The following FAM83F variants were observed in gnomAD, a reference collection of about 807,000 sequenced individuals.
The protein encoded by FAM83F is scaffolding CK1 anchoring protein F.
A neutral mutation model predicts 42.9 loss-of-function variants in FAM83F; 45 were observed. The ratio of observed to expected loss-of-function variants is 1.05; its 90% CI spans 0.83 to 1.35. FAM83F has a LOEUF of 1.35. Ranked by LOEUF, FAM83F falls within the 40% of genes most tolerant of loss-of-function variation. The pLI is 0.00. For synonymous variants in FAM83F, 306 were observed against 298.3 expected, an observed-to-expected ratio of 1.03 and a Z score of -0.27; for missense variants, 617 against 695.9, an observed-to-expected ratio of 0.89 and a Z score of 1.28.
At chr22:40,026,128 A>C (rs1489954828) in intron 4 of FAM83F, among the ~76,000 whole-genome samples, 1 of 152,224 alleles carries the variant, frequency 6.6e-6, no homozygotes, top group East Asian at 1.9e-4. Flanking sequence ...GTGGCTGCCC[A>C]GGGAGAAAGG....
intron 1 of FAM83F, among the ~76,000 whole-genome samples, chr22:40,011,741 A>G (rs971377779): frequency 6.6e-6 from 1 of 152,070 alleles, no homozygotes; most frequent in African/African-American, 2.4e-5. Flanking sequence ...CATTCCTCAC[A>G]TTTTCCTTAC....
chr22:40,024,261 C>T (rs919330158), intron 4 of FAM83F, among the ~76,000 whole-genome samples: 3 of 152,116 alleles, frequency 2.0e-5, no homozygotes, highest in Non-Finnish European at 4.4e-5. Flanking sequence ...CCTCCCAAAG[C>T]GCTGGGATTA....
intron 4 of FAM83F, among the ~76,000 whole-genome samples, chr22:40,022,657 T>C (rs550664949): frequency 1.3e-4 from 20 of 152,294 alleles, no homozygotes; most frequent in African/African-American, 4.3e-4. Context: ...CCCTGGACTT[T>C]ATGTCTCTCT....
At chr22:39,999,485 A>G (rs2067387201) in intron 1 of FAM83F, among the ~76,000 whole-genome samples, 1 of 152,156 alleles carries the variant, frequency 6.6e-6, no homozygotes, top group Non-Finnish European at 1.5e-5. Context: ...GACCCAGCTA[A>G]CCAGCTCATC....
At chr22:40,026,532 A>G (rs887388574) in intron 4 of FAM83F, among the ~76,000 whole-genome samples, 3 of 151,792 alleles carry the variant, frequency 2.0e-5, no homozygotes, top group African/African-American at 7.3e-5. Flanking sequence ...AAAACAAAAC[A>G]AAACAAAACA....
chr22:40,023,664 G>A lies in FAM83F; in HGVS notation c.1453+1701G>A, dbSNP rs184808971. Among the ~76,000 whole-genome samples, 2 of 151,914 alleles carry A rather than the reference G, an allele frequency of 1.3e-5. No individual in the cohort carries two copies. The highest frequency in any genetic ancestry group is 2.1e-4 in the South Asian group (1 of 4,804). ...CTCCCACATCTCGGGTGGTCACGGC[G>A]GCCCTGCCCCTGCTGCCGCTCTCTG... On this transcript the variant is annotated intron_variant, in intron 4 of 4. Transcript: ENST00000333407. This position sits in a 1 kb window ranked among gnomAD's most constrained non-coding sequence, Gnocchi z 4.1.
intron 2 of FAM83F, 53 bp downstream of exon 2, chr22:40,019,388 C>CT (rs2067507883): frequency 1.3e-6 from 2 of 1,556,694 alleles, no homozygotes; most frequent in Non-Finnish European, 8.8e-7. Flanking sequence ...CAGAGACTAC[C>CT]TCTGCCCCGT....
In FAM83F at chr22:40,023,249, G is replaced by A. The variant is rs1384674283; in HGVS notation, c.1453+1286G>A. On this transcript the variant is annotated intron_variant, in intron 4 of 4. Coordinates refer to ENST00000333407, the MANE Select transcript of FAM83F (RefSeq NM_138435.4). This position sits in a 1 kb window ranked among gnomAD's most constrained non-coding sequence, Gnocchi z 4.1. The stretch of plus-strand genomic sequence containing the variant: ...GTCACAGGAAGTGGTAGTAAGGCCA[G>A]GATTCAAGACCAGGCATGGGCACAG... 6.6e-6 allele frequency among the ~76,000 whole-genome samples: 1 copy of A among 152,322 alleles called. No homozygotes were observed. Among genetic ancestry groups the A allele is most frequent in the African/African-American group, 2.4e-5 (1 of 41,584 alleles).
chr22:40,027,440 G>A (rs531644868), intron 4 of FAM83F, among the ~76,000 whole-genome samples: 3 of 152,200 alleles, frequency 2.0e-5, no homozygotes, highest in East Asian at 1.9e-4. Flanking sequence ...GCTCCGCTCC[G>A]CTGAGCGGCC....
At chr22:40,028,958 T>G (rs1460341756) in intron 4 of FAM83F, among the ~76,000 whole-genome samples, 1 of 152,130 alleles carries the variant, frequency 6.6e-6, no homozygotes, top group Non-Finnish European at 1.5e-5. Flanking sequence ...CTGGGAGCTG[T>G]GGGCACCTCA....
In FAM83F at chr22:40,034,599, G is replaced by A. The variant is rs1456890478; in HGVS notation, c.*5034G>A. On this transcript the variant is annotated 3_prime_UTR_variant, in exon 5 of 5. Coordinates refer to ENST00000333407, the MANE Select transcript of FAM83F (RefSeq NM_138435.4). ...CTTGGGGTTCCTGAGCCTGGAGAGC[G>A]GGCTTTGTGAGCACTGGTGCCTCAC... 4 of 152,342 alleles carry A rather than the reference G, an allele frequency of 2.6e-5. No individual in the cohort carries two copies. The highest frequency in any genetic ancestry group is 2.1e-4 in the South Asian group (1 of 4,826). The allele number at this position is 152,342 out of a possible 1,614,324, so 9.4% of individuals were successfully genotyped here.
chr22:40,017,637 C>A (rs976292184), intron 1 of FAM83F, among the ~76,000 whole-genome samples: 1 of 152,200 alleles, frequency 6.6e-6, no homozygotes, highest in Non-Finnish European at 1.5e-5. Context: ...CTTGGGCCGG[C>A]TGTGGCATGG....
At position 40,031,602 on chromosome 22, in the gene FAM83F, C is replaced by T. The variant is rs1041644091; in HGVS notation, c.*2037C>T. Reference sequence around the variant, plus strand: ...GCCTTGAGCCAGGCCTTCCTTTCTGCCTCAGTTTCTCCATGTGCCAAGATG... The same window carrying T: ...GCCTTGAGCCAGGCCTTCCTTTCTGTCTCAGTTTCTCCATGTGCCAAGATG... On this transcript the variant is annotated 3_prime_UTR_variant, in exon 5 of 5. Transcript: ENST00000333407. 6.6e-6 allele frequency: 1 copy of T among 152,298 alleles called. No individual in the cohort carries two copies. Among genetic ancestry groups the T allele is most frequent in the African/African-American group, 2.4e-5 (1 of 41,458 alleles). 9.4% of individuals were successfully genotyped at this position (152,298 alleles called of 1,614,324 possible).
In FAM83F at chr22:39,999,563, C is replaced by T. The variant is rs189886521; in HGVS notation, c.489+4032C>T. On this transcript the variant is annotated intron_variant, in intron 1 of 4. Transcript: ENST00000333407. The stretch of plus-strand genomic sequence containing the variant: ...GCTGCGTAAGGCAGGGTCTTGTCTT[C>T]ATTACACAGAGGCTCCCTCTGAGCT... Among the ~76,000 whole-genome samples, 9 of 152,330 alleles carry T rather than the reference C, an allele frequency of 5.9e-5. No homozygotes were observed. The East Asian group carries it at 1.7e-3, about 29-fold the overall frequency.
At chr22:40,024,611 C>T (rs2067540687) in intron 4 of FAM83F, among the ~76,000 whole-genome samples, 1 of 152,232 alleles carries the variant, frequency 6.6e-6, no homozygotes, top group South Asian at 2.1e-4. Context: ...CATCCGTCCC[C>T]TCCCTGGGGC....
intron 4 of FAM83F, among the ~76,000 whole-genome samples, chr22:40,028,187 T>G (rs564990125): frequency 6.6e-6 from 1 of 152,242 alleles, no homozygotes; most frequent in African/African-American, 2.4e-5. Context: ...ACACCCTTAA[T>G]GAGGGTGCAG....
In FAM83F at chr22:40,029,920, C is replaced by T; in HGVS notation, c.*355C>T. ...TTTAAACCTTTATGGGGTGGGGTGT[C>T]TGGGGCAGCTGCAGTGGCTTCTCCT... On this transcript the variant is annotated 3_prime_UTR_variant, in exon 5 of 5. Transcript: ENST00000333407. The T allele has an allele frequency of 5.2e-6, 1 of 191,830 alleles. No homozygotes were observed. The highest frequency in any genetic ancestry group is 1.1e-5 in the Non-Finnish European group (1 of 92,376). The allele number at this position is 191,830 out of a possible 1,614,324, so 11.9% of individuals were successfully genotyped here. A position where few individuals can be genotyped will look rare whatever the true frequency, so the allele number is the denominator to read the frequency against.
At chr22:40,017,003 A>G (rs2067495724) in intron 1 of FAM83F, among the ~76,000 whole-genome samples, 1 of 152,132 alleles carries the variant, frequency 6.6e-6, no homozygotes, top group Admixed American at 6.5e-5. Flanking sequence ...CTGGTAATTT[A>G]AAAGGTCTCT....
In FAM83F at chr22:40,037,769, G is replaced by C. The variant is rs1458256682; in HGVS notation, c.*8204G>C. The C allele has an allele frequency of 6.6e-6, 1 of 152,136 alleles. No individual in the cohort carries two copies. Among genetic ancestry groups the C allele is most frequent in the African/African-American group, 2.4e-5 (1 of 41,406 alleles). The allele number at this position is 152,136 out of a possible 1,614,324, so 9.4% of individuals were successfully genotyped here. A position where few individuals can be genotyped will look rare whatever the true frequency, so the allele number is the denominator to read the frequency against. On this transcript the variant is annotated 3_prime_UTR_variant, in exon 5 of 5. Coordinates refer to ENST00000333407, the MANE Select transcript of FAM83F (RefSeq NM_138435.4). Reference sequence around the variant, plus strand: ...TGGGGGTCTCTGTTGCCAGGTTGGAGTGCAATGACATAATCATAACTCACC... The same window carrying C: ...TGGGGGTCTCTGTTGCCAGGTTGGACTGCAATGACATAATCATAACTCACC...
Sources: gnomAD v4.1 joint callset for allele counts (sites outside exome capture counted in the v4.1 genomes callset) on GRCh38, gnomAD v4.1.1 for gene constraint, Gnocchi (gnomAD v3.1) non-coding constraint, MANE v1.5 for transcripts, NCBI Gene and HGNC (gene_info 2026-07-23, HGNC 2026-07-21) for gene names.